The following TRAF7 variants were observed in gnomAD, a reference collection of about 807,000 sequenced individuals.
TRAF7 encodes the protein E3 ubiquitin-protein ligase TRAF7.
In TRAF7, 45 loss-of-function variants were observed where a neutral mutation model predicts 89.3. That is an observed-to-expected ratio of 0.50 (90% CI 0.40 to 0.65). The LOEUF (loss-of-function observed/expected upper bound fraction) is 0.65. Ranked by LOEUF, TRAF7 falls within the 30% of genes least tolerant of loss-of-function variation. The pLI is 0.00. For missense variants in TRAF7, 677 were observed against 918.1 expected (o/e 0.74, Z 3.39); for synonymous variants, 406 against 369.2 (o/e 1.10, Z -1.14).
At chr16:2,156,127 A>G (rs1264233801) in intron 1 of TRAF7, among the ~76,000 whole-genome samples, 1 of 151,194 alleles carries the variant, frequency 6.6e-6, no homozygotes, top group African/African-American at 2.4e-5. Context: ...ATTCCCCGAG[A>G]CTCCCGGGTG....
rs1429498024 is a variant in TRAF7 at position 2,171,251 on chromosome 16, C to T, written c.349-13C>T. ...GCCTCCCGCCATCGCCTGCCTTTCC[C>T]GCTTGGTTCCAGGAGCCACTGGTGT... On this transcript the variant is annotated splice_polypyrimidine_tract_variant and intron_variant, in intron 5 of 20. Transcript: ENST00000326181. The T allele has an allele frequency of 1.2e-5, 18 of 1,539,058 alleles. No homozygotes were observed. The highest frequency in any genetic ancestry group is 5.9e-5 in the Admixed American group (3 of 50,930).
Position 2,168,262 on chromosome 16 carries a change from C to A in TRAF7, c.231+94C>A. On this transcript the variant is annotated intron_variant, in intron 4 of 20. Transcript: ENST00000326181. The surrounding 1 kb of genome is among the most constrained non-coding windows in gnomAD (Gnocchi z 4.1). ...GGTCCCAGGAGGAGTTGACAGTGAG[C>A]TGGTGAGGCACAGGAGAAGAAGAGC... The A allele has an allele frequency of 9.4e-7, 1 of 1,061,984 alleles. No individual in the cohort carries two copies. Among genetic ancestry groups the A allele is most frequent in the Non-Finnish European group, 1.4e-6 (1 of 729,370 alleles). The allele number at this position is 1,061,984 out of a possible 1,614,324, so 65.8% of individuals were successfully genotyped here.
Position 2,161,260 on chromosome 16 carries a change from C to G in TRAF7, c.-38-2623C>G, listed in dbSNP as rs926620210. On this transcript the variant is annotated intron_variant, in intron 1 of 20. Coordinates refer to ENST00000326181, the MANE Select transcript of TRAF7 (RefSeq NM_032271.3). The surrounding 1 kb of genome is among the most constrained non-coding windows in gnomAD (Gnocchi z 5.2). The stretch of plus-strand genomic sequence containing the variant: ...CCTCCCTCCGTCCCCTCCCTCCTTC[C>G]GTCCCCCTCAGCTGGCGCTCGATGG... Among the ~76,000 whole-genome samples the G allele has an allele frequency of 2.7e-5, 4 of 149,700 alleles. No homozygotes were observed. The highest frequency in any genetic ancestry group is 4.9e-5 in the African/African-American group (2 of 40,700).
At chr16:2,167,998 G>T in intron 3 of TRAF7, 79 bp from the exon 4 acceptor site, 2 of 1,358,494 alleles carry the variant, frequency 1.5e-6, no homozygotes, top group East Asian at 2.4e-5. Flanking sequence ...CCACAGGGTC[G>T]GGTATCCAGC....
rs774292421 is a variant in TRAF7 at position 2,178,031 on chromosome 16, C to T, written c.*1457C>T. 1.8e-5 allele frequency: 8 copies of T among 444,736 alleles called. No homozygotes were observed. Among genetic ancestry groups the T allele is most frequent in the African/African-American group, 4.1e-5 (2 of 48,350 alleles). The allele number at this position is 444,736 out of a possible 1,614,324, so 27.5% of individuals were successfully genotyped here. ...GTTTTCTATAGAATCAATAATATTT[C>T]TTTCTTTAAATATATATTTGTTAAA... On this transcript the variant is annotated 3_prime_UTR_variant, in exon 21 of 21. Coordinates refer to ENST00000326181, the MANE Select transcript of TRAF7 (RefSeq NM_032271.3).
intron 13 of TRAF7, 84 bp downstream of exon 13, chr16:2,174,132 T>A: frequency 6.2e-7 from 1 of 1,601,854 alleles, no homozygotes; most frequent in Non-Finnish European, 8.5e-7. Context: ...TGCCTATGGG[T>A]GGGACCTTCT....
At chr16:2,175,735 G>A (rs2093132956) in intron 17 of TRAF7, 99 bp from the exon 18 acceptor site, 3 of 1,589,014 alleles carry the variant, frequency 1.9e-6, no homozygotes, top group East Asian at 2.2e-5. Flanking sequence ...CCCCTGGCTG[G>A]GTGGGTGGGC....
At chr16:2,176,023 G>A (rs1236696825) in intron 18 of TRAF7, 26 bp from the exon 19 acceptor site, 3 of 1,608,898 alleles carry the variant, frequency 1.9e-6, no homozygotes, top group African/African-American at 1.3e-5. Context: ...CAGTGTCTTT[G>A]ACCTGCCTGT....
chr16:2,175,014 G>T, intron 14 of TRAF7, 97 bp from the exon 15 acceptor site: 1 of 1,482,828 alleles, frequency 6.7e-7, no homozygotes, highest in South Asian at 1.1e-5. Flanking sequence ...CCATGCTGCT[G>T]GTTCCTGATG....
rs751408365 is a variant in TRAF7, at chr16:2,168,069, C to G, written c.140-8C>G. 18 of 1,610,276 alleles carry G rather than the reference C, an allele frequency of 1.1e-5. No homozygotes were observed. The highest frequency in any genetic ancestry group is 1.4e-5 in the Non-Finnish European group (17 of 1,179,692). Reference sequence around the variant, plus strand: ...CCCCACTGAGACGCCAGCCCTCTTGCCTTGCAGCTGACGGGACCAGCACCT... The same window carrying G: ...CCCCACTGAGACGCCAGCCCTCTTGGCTTGCAGCTGACGGGACCAGCACCT... On this transcript the variant is annotated splice_polypyrimidine_tract_variant and splice_region_variant and intron_variant, in intron 3 of 20. Coordinates refer to ENST00000326181, the MANE Select transcript of TRAF7 (RefSeq NM_032271.3). The surrounding 1 kb of genome is among the most constrained non-coding windows in gnomAD (Gnocchi z 4.1).
intron 2 of TRAF7, 127 bp from the exon 3 acceptor site, chr16:2,165,752 C>T (rs1042055670): frequency 9.3e-7 from 1 of 1,072,580 alleles, no homozygotes; most frequent in Non-Finnish European, 1.4e-6. Context: ...GGCCTGGTCG[C>T]ATGGTTAAGT....
At position 2,176,306 on chromosome 16, in the gene TRAF7, G is replaced by A. The variant is rs1456442665; in HGVS notation, c.1920G>A (p.Leu640=). The part of the protein sequence containing the change: ...MDNMICTQTL[L]RHQGSVTALA... Reference sequence around the variant, plus strand: ...ACATGATCTGCACGCAGACCCTGCTGCGTCACCAGGGCAGTGTCACCGCGC... The same window carrying A: ...ACATGATCTGCACGCAGACCCTGCTACGTCACCAGGGCAGTGTCACCGCGC... The change falls in exon 20 of 21, where the codon CTG becomes CTA. Residue 640 remains leucine, a synonymous_variant. Transcript: ENST00000326181. The A allele has an allele frequency of 1.9e-6, 3 of 1,603,874 alleles. No homozygotes were observed. Among genetic ancestry groups the A allele is most frequent in the African/African-American group, 1.3e-5 (1 of 74,920 alleles).
In TRAF7 at chr16:2,163,340, C is replaced by G. The variant is rs1429544555; in HGVS notation, c.-38-543C>G. On this transcript the variant is annotated intron_variant, in intron 1 of 20. Coordinates refer to ENST00000326181, the MANE Select transcript of TRAF7 (RefSeq NM_032271.3). The surrounding 1 kb of genome is among the most constrained non-coding windows in gnomAD (Gnocchi z 4.3). ...TGGAGTTGGGCTCCGGTGACTCACCCTGCAGGTTCTTTCTCTGGGGTGTGG... is the reference window on the plus strand; with the variant it reads ...TGGAGTTGGGCTCCGGTGACTCACCGTGCAGGTTCTTTCTCTGGGGTGTGG... Among the ~76,000 whole-genome samples, 1 of 152,212 alleles carries G rather than the reference C, an allele frequency of 6.6e-6. No individual in the cohort carries two copies. The highest frequency in any genetic ancestry group is 1.9e-4 in the East Asian group (1 of 5,198).
chr16:2,165,802 C>A, intron 2 of TRAF7, 77 bp from the exon 3 acceptor site: 1 of 1,562,338 alleles, frequency 6.4e-7, no homozygotes, highest in Non-Finnish European at 8.8e-7. Flanking sequence ...GCGTGTTAGG[C>A]ATGTGAGTGG....
chr16:2,174,862 C>T (rs2093129003), intron 14 of TRAF7, among the ~76,000 whole-genome samples: 1 of 152,224 alleles, frequency 6.6e-6, no homozygotes, highest in African/African-American at 2.4e-5. Context: ...TCAGGGCTGA[C>T]GGGTGGGTAA....
Position 2,173,958 on chromosome 16 carries a change from C to A in TRAF7, c.1173C>A (p.Thr391=), listed in dbSNP as rs530343056. ...AGCAGATCTTCAAGTGCAAAGGGAC[C>A]TTTGTGGGCCACCAGGGCCCTGTGT... is the stretch of plus-strand genomic sequence containing the variant. ...DPQQIFKCKG[T]FVGHQGPVWC... is the part of the protein sequence containing the mutation. The change falls in exon 13 of 21, where the codon ACC becomes ACA. Residue 391 remains threonine (T), a synonymous_variant. Transcript: ENST00000326181. The A allele has an allele frequency of 2.0e-5, 32 of 1,610,806 alleles. No individual in the cohort carries two copies. In the Admixed American group the frequency reaches 5.4e-4, roughly 27 times the overall value.
In TRAF7 at chr16:2,163,177, C is replaced by T. The variant is rs1250136238; in HGVS notation, c.-38-706C>T. Among the ~76,000 whole-genome samples the T allele has an allele frequency of 6.6e-6, 1 of 152,204 alleles. No individual in the cohort carries two copies. The highest frequency in any genetic ancestry group is 1.5e-5 in the Non-Finnish European group (1 of 68,032). On this transcript the variant is annotated intron_variant, in intron 1 of 20. Coordinates refer to ENST00000326181, the MANE Select transcript of TRAF7 (RefSeq NM_032271.3). This position sits in a 1 kb window ranked among gnomAD's most constrained non-coding sequence, Gnocchi z 4.3. ...CCCTCTCTTCTGGGGAGGGTGATTC[C>T]CGCATGCCTTCTCCCTGCCCCCCCA... is the stretch of plus-strand genomic sequence containing the variant.
At chr16:2,157,817 T>C (rs1178011398) in intron 1 of TRAF7, among the ~76,000 whole-genome samples, 1 of 152,086 alleles carries the variant, frequency 6.6e-6, no homozygotes, top group Non-Finnish European at 1.5e-5. Context: ...GCAGAAGGAA[T>C]GTGACTCTGG....
At chr16:2,157,193 T>TCC (rs2093038654) in intron 1 of TRAF7, among the ~76,000 whole-genome samples, 1 of 152,052 alleles carries the variant, frequency 6.6e-6, no homozygotes, top group Non-Finnish European at 1.5e-5. Context: ...CTAGACCCCT[T>TCC]CCCTGTGCCT....
Sources: allele counts gnomAD v4.1 joint callset (sites outside exome capture counted in the v4.1 genomes callset), GRCh38; gene constraint gnomAD v4.1.1; non-coding constraint Gnocchi (gnomAD v3.1); transcripts MANE v1.5; gene names NCBI Gene and HGNC (gene_info 2026-07-23, HGNC 2026-07-21).